Variants in ZEB1 observed in about 807,000 individuals in gnomAD.
ZEB1 encodes zinc finger E-box binding homeobox 1.
Under a neutral mutation model 84.9 loss-of-function variants are expected in ZEB1, and 21 were observed. The ratio of observed to expected loss-of-function variants is 0.25; its 90% confidence interval spans 0.18 to 0.36. The LOEUF (loss-of-function observed/expected upper bound fraction) is 0.36. ZEB1 is among the 10% of genes least tolerant of loss of function. ZEB1 has a pLI of 1.00. For missense variants in ZEB1, 1,104 were observed against 1,330.2 expected, an observed-to-expected ratio of 0.83 and a Z score of 2.65; for synonymous variants, 420 against 471.1, an observed-to-expected ratio of 0.89 and a Z score of 1.41.
At chr10:31,388,280 T>C (rs2049003501) in intron 1 of ZEB1, among the ~76,000 whole-genome samples, 1 of 152,138 alleles carries the variant, frequency 6.6e-6, no homozygotes, top group Admixed American at 6.6e-5. Context: ...GTGAAGACAT[T>C]AAATTTGTCC....
chr10:31,504,785 A>G (rs1001570661), intron 4 of ZEB1, among the ~76,000 whole-genome samples: 8 of 151,942 alleles, frequency 5.3e-5, no homozygotes, highest in South Asian at 2.1e-4. Context: ...AACACTGCTG[A>G]TTTTTATGTT....
intron 2 of ZEB1, among the ~76,000 whole-genome samples, chr10:31,490,611 G>A (rs1438112654): frequency 1.3e-5 from 2 of 151,376 alleles, no homozygotes; most frequent in South Asian, 4.2e-4. Flanking sequence ...TTACTTCTTG[G>A]AGCATTTTTA....
chr10:31,452,002 T>A (rs2060618360), intron 1 of ZEB1, among the ~76,000 whole-genome samples: 1 of 152,178 alleles, frequency 6.6e-6, no homozygotes, highest in Non-Finnish European at 1.5e-5. Context: ...ATTAATAGCA[T>A]GTATCTGAAG....
chr10:31,366,285 ATTT>A (rs2044471253), intron 1 of ZEB1, among the ~76,000 whole-genome samples: 1 of 152,144 alleles, frequency 6.6e-6, no homozygotes. Flanking sequence ...TTGATACCTA[ATTT>A]GTCCTCACTG....
intron 1 of ZEB1, among the ~76,000 whole-genome samples, chr10:31,351,742 A>G (rs543431187): frequency 1.0e-3 from 156 of 152,302 alleles, no homozygotes; most frequent in Non-Finnish European, 1.8e-3. Flanking sequence ...TTATCTAAAA[A>G]TATTCCTTTA....
At chr10:31,478,611 C>G (rs1161743342) in intron 2 of ZEB1, among the ~76,000 whole-genome samples, 1 of 151,892 alleles carries the variant, frequency 6.6e-6, no homozygotes, top group Non-Finnish European at 1.5e-5. Context: ...AAGTGTATAT[C>G]AGTGGATAAT....
At chr10:31,406,848 C>A (rs1028556044) in intron 1 of ZEB1, among the ~76,000 whole-genome samples, 15 of 152,156 alleles carry the variant, frequency 9.9e-5, no homozygotes, top group African/African-American at 3.4e-4. Flanking sequence ...AGTGTTTAAT[C>A]TATCTTGAGT....
chr10:31,445,188 G>A (rs1308122470), intron 1 of ZEB1, among the ~76,000 whole-genome samples: 2 of 145,070 alleles, frequency 1.4e-5, no homozygotes, highest in African/African-American at 5.7e-5. Context: ...TTGTGAATGG[G>A]AGTTCACTCA....
chr10:31,367,768 C>T (rs1271540002), intron 1 of ZEB1, among the ~76,000 whole-genome samples: 2 of 152,068 alleles, frequency 1.3e-5, no homozygotes, highest in East Asian at 3.8e-4. Context: ...AATATGCTGA[C>T]TCTATATAGG....
At chr10:31,484,640 T>C (rs1298638800) in intron 2 of ZEB1, among the ~76,000 whole-genome samples, 1 of 151,936 alleles carries the variant, frequency 6.6e-6, no homozygotes, top group Non-Finnish European at 1.5e-5. Flanking sequence ...ACTTAACTGA[T>C]TAGGGTCAAA....
chr10:31,409,491 C>T (rs188798859), intron 1 of ZEB1, among the ~76,000 whole-genome samples: 213 of 152,052 alleles, frequency 1.4e-3, no homozygotes, highest in African/African-American at 4.8e-3. Context: ...CTTGGCTATA[C>T]GGGCTCTTTT....
rs190602975 is a variant in ZEB1 at position 31,425,019 on chromosome 10, A to T, written c.59-36018A>T. ...CAAATTTTTTTTAAATGGGAAAAAA[A>T]CTCTTTTCTTACAGAAAATTTGAAA... is the stretch of plus-strand genomic sequence containing the variant. On this transcript the variant is annotated intron_variant, in intron 1 of 8. Coordinates refer to ENST00000424869, the MANE Select transcript of ZEB1 (RefSeq NM_001174096.2). 3.4e-4 allele frequency among the ~76,000 whole-genome samples: 51 copies of T among 151,958 alleles called. No individual in the cohort carries two copies. The East Asian group carries it at 7.1e-3, about 21-fold the overall frequency.
At chr10:31,337,971 C>T (rs1306177871) in intron 1 of ZEB1, among the ~76,000 whole-genome samples, 2 of 152,138 alleles carry the variant, frequency 1.3e-5, no homozygotes, top group Non-Finnish European at 2.9e-5. Context: ...GCATGAGACA[C>T]CGCGCCCGGC....
intron 2 of ZEB1, among the ~76,000 whole-genome samples, chr10:31,478,198 A>T (rs1286667585): frequency 1.3e-5 from 2 of 152,076 alleles, no homozygotes; most frequent in African/African-American, 4.8e-5. Flanking sequence ...GTCAAAGGAC[A>T]TGGACAGACA....
chr10:31,356,787 C>G (rs2042197046), intron 1 of ZEB1, among the ~76,000 whole-genome samples: 1 of 152,112 alleles, frequency 6.6e-6, no homozygotes, highest in Non-Finnish European at 1.5e-5. Context: ...GAGACTGGGG[C>G]TTTAGAGAAT....
intron 1 of ZEB1, among the ~76,000 whole-genome samples, chr10:31,458,330 TG>T (rs2061469272): frequency 9.5e-6 from 1 of 105,222 alleles, no homozygotes; most frequent in Non-Finnish European, 1.6e-5. Flanking sequence ...TGTGTGTGTG[TG>T]TGTGTTGTGT....
intron 1 of ZEB1, among the ~76,000 whole-genome samples, chr10:31,337,683 G>GTTTTTTTTTTTTTTTTT (rs756379165): frequency 1.0e-5 from 1 of 98,798 alleles, no homozygotes; most frequent in African/African-American, 4.3e-5. Context: ...ATTTCTTTCT[G>GTTTTTTTTTTTTTTTTT]TTTTTTTTTT....
At chr10:31,385,060 A>G (rs562495174) in intron 1 of ZEB1, among the ~76,000 whole-genome samples, 29 of 152,308 alleles carry the variant, frequency 1.9e-4, no homozygotes, top group South Asian at 6.2e-4. Context: ...TCTTTAGTCT[A>G]AAGTTTTGTT....
At position 31,486,867 on chromosome 10, in the gene ZEB1, A is replaced by T. The variant is rs111953766; in HGVS notation, c.260-8909A>T. Among the ~76,000 whole-genome samples, 10 of 151,498 alleles carry T rather than the reference A, an allele frequency of 6.6e-5. 1 individual carries two copies. Among genetic ancestry groups the T allele is most frequent in the African/African-American group, 2.4e-4 (10 of 41,442 alleles). On this transcript the variant is annotated intron_variant, in intron 2 of 8. Coordinates refer to ENST00000424869, the MANE Select transcript of ZEB1 (RefSeq NM_001174096.2). ...GTGCAGGAACTCTGCTTAACTCCAG[A>T]TCATCAGGTTTTTCTCTTTGTTTTC...
Sources: gnomAD v4.1 joint callset for allele counts (sites outside exome capture counted in the v4.1 genomes callset) on GRCh38, gnomAD v4.1.1 for gene constraint, MANE v1.5 for transcripts, NCBI Gene and HGNC (gene_info 2026-07-23, HGNC 2026-07-21) for gene names.